The following SEMA3C variants were observed in gnomAD, a reference collection of about 807,000 sequenced individuals.
The protein encoded by SEMA3C is semaphorin-3C.
SEMA3C carries 47 observed loss-of-function variants against 89.4 expected under a neutral mutation model. That is an observed-to-expected ratio of 0.53 (90% CI 0.42 to 0.67). The LOEUF (loss-of-function observed/expected upper bound fraction) is 0.67, where lower values mean the gene tolerates loss of function less well. Ranked by LOEUF, SEMA3C falls within the 30% of genes least tolerant of loss-of-function variation. SEMA3C has a pLI of 0.00. For synonymous variants in SEMA3C, 310 were observed against 320.2 expected (o/e 0.97, Z 0.34); for missense variants, 839 against 929.1 (o/e 0.90, Z 1.26).
At chr7:80,809,662 T>C (rs1371110200) in intron 6 of SEMA3C, among the ~76,000 whole-genome samples, 5 of 152,212 alleles carry the variant, frequency 3.3e-5, no homozygotes, top group African/African-American at 1.2e-4. Flanking sequence ...CCCATGTTCA[T>C]TTCAGCATTA....
intron 2 of SEMA3C, among the ~76,000 whole-genome samples, chr7:80,908,317 G>T (rs536671274): frequency 1.3e-3 from 193 of 152,286 alleles, no homozygotes; most frequent in Middle Eastern, 0.01. Flanking sequence ...TTTCAGCGAT[G>T]AATGAAGTGC....
chr7:80,903,279 C>T (rs7793465), intron 2 of SEMA3C, among the ~76,000 whole-genome samples: 21,160 of 152,108 alleles, frequency 0.14, 2,667 homozygotes, highest in African/African-American at 0.33. Context: ...CGTTACTGTA[C>T]AAAATTCTGT....
intron 2 of SEMA3C, chr7:80,847,469 C>T (rs959835030): frequency 7.9e-5 from 12 of 152,124 alleles, no homozygotes. Context: ...CTATACATGT[C>T]CTAAAGATAC....
intron 12 of SEMA3C, among the ~76,000 whole-genome samples, chr7:80,783,394 G>T (rs1788732884): frequency 6.6e-6 from 1 of 152,000 alleles, no homozygotes; most frequent in Admixed American, 6.6e-5. Flanking sequence ...AGTATTTCCT[G>T]CTGTGAAAAT....
At chr7:80,922,186 A>G, upstream of SEMA3C, 2 of 1,177,530 alleles carry the variant, frequency 1.7e-6, no homozygotes, top group Non-Finnish European at 2.2e-6. Flanking sequence ...GGTAGTAAAT[A>G]TCAGAATAGG....
At chr7:80,870,850 G>A (rs1791039750) in intron 2 of SEMA3C, among the ~76,000 whole-genome samples, 1 of 152,110 alleles carries the variant, frequency 6.6e-6, no homozygotes. Context: ...GTGCCTTCTG[G>A]CTAGGAGGGA....
At chr7:80,783,624 A>T (rs3807106) in intron 12 of SEMA3C, among the ~76,000 whole-genome samples, 6,902 of 152,250 alleles carry the variant, frequency 0.045, 373 homozygotes, top group East Asian at 0.25. Flanking sequence ...ATCAAATTTT[A>T]CATGGGGTAT....
chr7:80,909,152 T>C (rs562894618), intron 2 of SEMA3C, among the ~76,000 whole-genome samples: 1 of 152,266 alleles, frequency 6.6e-6, no homozygotes, highest in South Asian at 2.1e-4. Flanking sequence ...CCATAATTAA[T>C]TCTATCTGTA....
chr7:80,753,743 T>C (rs1034237756), intron 15 of SEMA3C, among the ~76,000 whole-genome samples: 5 of 152,222 alleles, frequency 3.3e-5, no homozygotes, highest in African/African-American at 9.6e-5. Context: ...TCATTTTTTA[T>C]AGAAAAGACA....
At chr7:80,779,463 A>C (rs553983789) in intron 12 of SEMA3C, among the ~76,000 whole-genome samples, 1 of 152,164 alleles carries the variant, frequency 6.6e-6, no homozygotes, top group Non-Finnish European at 1.5e-5. Context: ...GCCACAAATC[A>C]ATTTTTATCA....
chr7:80,908,881 A>G (rs927975810), intron 2 of SEMA3C, among the ~76,000 whole-genome samples: 3 of 152,208 alleles, frequency 2.0e-5, no homozygotes, highest in African/African-American at 4.8e-5. Context: ...ATCCAATTAT[A>G]TAATTACAAA....
chr7:80,880,679 C>G (rs1159760561), intron 2 of SEMA3C, among the ~76,000 whole-genome samples: 2 of 152,204 alleles, frequency 1.3e-5, no homozygotes, highest in Non-Finnish European at 2.9e-5. Flanking sequence ...AATCCCAGTA[C>G]TTTGGGAGCC....
chr7:80,838,499 C>G (rs1212512386), intron 2 of SEMA3C, among the ~76,000 whole-genome samples: 4 of 152,162 alleles, frequency 2.6e-5, no homozygotes, highest in Admixed American at 2.6e-4. Context: ...AGAAACATAG[C>G]CACAGTAATA....
intron 4 of SEMA3C, among the ~76,000 whole-genome samples, chr7:80,823,747 A>C (rs906895187): frequency 2.0e-5 from 3 of 152,142 alleles, no homozygotes; most frequent in African/African-American, 4.8e-5. Context: ...ATATAATCCT[A>C]CTTAATTTTT....
intron 2 of SEMA3C, among the ~76,000 whole-genome samples, chr7:80,912,383 T>G (rs900836265): frequency 6.6e-6 from 1 of 152,182 alleles, no homozygotes; most frequent in Non-Finnish European, 1.5e-5. Flanking sequence ...CGAGGCTACA[T>G]TTCTTAGCAA....
intron 2 of SEMA3C, among the ~76,000 whole-genome samples, chr7:80,842,746 A>C (rs1790299198): frequency 6.6e-6 from 1 of 152,152 alleles, no homozygotes; most frequent in Admixed American, 6.6e-5. Flanking sequence ...GAGGGACTGA[A>C]CATTAAACAA....
chr7:80,908,613 T>C (rs1242704856), intron 2 of SEMA3C, among the ~76,000 whole-genome samples: 1 of 152,154 alleles, frequency 6.6e-6, no homozygotes, highest in Non-Finnish European at 1.5e-5. Flanking sequence ...GCTTTACATA[T>C]TATGTGCCCC....
intron 2 of SEMA3C, among the ~76,000 whole-genome samples, chr7:80,903,988 A>G (rs765050726): frequency 4.6e-5 from 7 of 152,162 alleles, no homozygotes; most frequent in Non-Finnish European, 7.4e-5. Flanking sequence ...TATTGCACAA[A>G]CCTGTATTTA....
intron 2 of SEMA3C, among the ~76,000 whole-genome samples, chr7:80,866,785 A>G (rs562037739): frequency 6.7e-4 from 102 of 152,360 alleles, no homozygotes; most frequent in African/African-American, 2.3e-3. Flanking sequence ...ATTTGCATTT[A>G]CAGGCACTGC....
Sources: gnomAD v4.1 joint callset for allele counts (sites outside exome capture counted in the v4.1 genomes callset) on GRCh38, gnomAD v4.1.1 for gene constraint, MANE v1.5 for transcripts, NCBI Gene and HGNC (gene_info 2026-07-23, HGNC 2026-07-21) for gene names.